The following PIK3C2G variants were observed in gnomAD, a reference collection of about 807,000 sequenced individuals.
PIK3C2G encodes the protein phosphatidylinositol-4-phosphate 3-kinase catalytic subunit type 2 gamma, also known as phosphatidylinositol 3-kinase C2 domain-containing subunit gamma.
Under a neutral mutation model 181.1 loss-of-function variants are expected in PIK3C2G, and 168 were observed. The ratio of observed to expected loss-of-function variants is 0.93; its 90% CI spans 0.82 to 1.05. The LOEUF (loss-of-function observed/expected upper bound fraction) is 1.05. Among genes scored for constraint, PIK3C2G ranks in the 50% least tolerant of loss-of-function variants. PIK3C2G has a pLI of 0.00. For missense variants in PIK3C2G, 1,869 were observed against 1,732.8 expected (o/e 1.08, Z -1.40); for synonymous variants, 573 against 592.2 (o/e 0.97, Z 0.47).
intron 12 of PIK3C2G, among the ~76,000 whole-genome samples, chr12:18,369,111 G>A (rs1166046998): frequency 1.3e-5 from 2 of 152,178 alleles, no homozygotes; most frequent in African/African-American, 4.8e-5. Context: ...GGAATGACAA[G>A]GCCAGTAGAT....
At chr12:18,499,848 C>G (rs1014263281) in intron 22 of PIK3C2G, among the ~76,000 whole-genome samples, 1 of 152,244 alleles carries the variant, frequency 6.6e-6, no homozygotes, top group Admixed American at 6.5e-5. Flanking sequence ...ACTGACATCA[C>G]CTAGGAACTT....
chr12:18,307,666 T>G (rs1329528531), intron 5 of PIK3C2G, among the ~76,000 whole-genome samples: 2 of 151,928 alleles, frequency 1.3e-5, no homozygotes, highest in African/African-American at 4.8e-5. Flanking sequence ...CCTTTCTTCT[T>G]ACCCTTTTTG....
chr12:18,270,992 T>C (rs1460353696), intron 1 of PIK3C2G, among the ~76,000 whole-genome samples: 1 of 152,024 alleles, frequency 6.6e-6, no homozygotes, highest in African/African-American at 2.4e-5. Context: ...TTTTTTAGGC[T>C]TCCTTTACCC....
At chr12:18,625,681 G>A (rs1016988905) in intron 31 of PIK3C2G, among the ~76,000 whole-genome samples, 4 of 151,730 alleles carry the variant, frequency 2.6e-5, no homozygotes, top group African/African-American at 9.7e-5. Flanking sequence ...TTTAATATTT[G>A]CTTTATACAT....
chr12:18,459,626 T>A (rs1290867499), intron 18 of PIK3C2G, among the ~76,000 whole-genome samples: 1 of 152,206 alleles, frequency 6.6e-6, no homozygotes, highest in Non-Finnish European at 1.5e-5. Context: ...CTAGTTACAG[T>A]GAAATTTATA....
intron 16 of PIK3C2G, among the ~76,000 whole-genome samples, chr12:18,414,316 T>C (rs80007956): frequency 0.025 from 3,873 of 152,212 alleles, 142 homozygotes; most frequent in African/African-American, 0.084. Flanking sequence ...AACTTTCGTA[T>C]AGAAAATTTG....
intron 8 of PIK3C2G, among the ~76,000 whole-genome samples, chr12:18,336,151 A>G (rs1938511008): frequency 6.6e-6 from 1 of 152,166 alleles, no homozygotes; most frequent in African/African-American, 2.4e-5. Flanking sequence ...TTAATTAGTT[A>G]AACATTAAAA....
intron 14 of PIK3C2G, among the ~76,000 whole-genome samples, chr12:18,382,785 A>C (rs1222630712): frequency 1.3e-5 from 2 of 152,226 alleles, no homozygotes; most frequent in Non-Finnish European, 2.9e-5. Context: ...AGCTGACATC[A>C]CTGCTCTAGA....
intron 18 of PIK3C2G, among the ~76,000 whole-genome samples, chr12:18,434,776 G>A (rs947521126): frequency 6.6e-6 from 1 of 152,132 alleles, no homozygotes; most frequent in African/African-American, 2.4e-5. Flanking sequence ...AAGAGGGCAT[G>A]AAAGAAAAGC....
the PIK3C2G span, chr12:18,712,693 C>A: frequency 1.0e-6 from 1 of 957,938 alleles, no homozygotes; most frequent in Admixed American, 2.1e-5. Context: ...TAACTATATA[C>A]AACATGGATT....
Position 18,346,838 on chromosome 12 carries a change from T to A in PIK3C2G, c.1625+2T>A. On this transcript the variant is annotated splice_donor_variant, in intron 11 of 32. Coordinates refer to ENST00000538779, the MANE Select transcript of PIK3C2G (RefSeq NM_001288772.2). LOFTEE classifies it high-confidence loss of function. ...CATTCCAGAAACCTGGGTGCACAGG[T>A]GAGTGGTGGTGAGTTTTTCACAAAA... 1 of 1,580,262 alleles carries A rather than the reference T, an allele frequency of 6.3e-7. No homozygotes were observed. Among genetic ancestry groups the A allele is most frequent in the Non-Finnish European group, 8.6e-7 (1 of 1,159,850 alleles).
intron 16 of PIK3C2G, among the ~76,000 whole-genome samples, chr12:18,406,552 G>A (rs1467116403): frequency 6.6e-6 from 1 of 152,160 alleles, no homozygotes; most frequent in East Asian, 1.9e-4. Flanking sequence ...AGAAAAACAT[G>A]TTTGATGTTT....
chr12:18,296,870 C>A (rs1169158332), intron 5 of PIK3C2G, among the ~76,000 whole-genome samples: 1 of 151,988 alleles, frequency 6.6e-6, no homozygotes, highest in Non-Finnish European at 1.5e-5. Context: ...AAGCTTGATG[C>A]AAAATTGTCA....
chr12:18,304,508 C>A (rs147547570), intron 5 of PIK3C2G, among the ~76,000 whole-genome samples: 1 of 152,152 alleles, frequency 6.6e-6, no homozygotes, highest in Non-Finnish European at 1.5e-5. Flanking sequence ...CAACCCGCCC[C>A]GGCCTCCCAA....
At chr12:18,498,209 C>A (rs1162898691) in intron 22 of PIK3C2G, among the ~76,000 whole-genome samples, 1 of 152,096 alleles carries the variant, frequency 6.6e-6, no homozygotes, top group Non-Finnish European at 1.5e-5. Flanking sequence ...GATAAAATAT[C>A]AACAGTCAAT....
intron 9 of PIK3C2G, among the ~76,000 whole-genome samples, chr12:18,341,546 A>G (rs1939137897): frequency 6.6e-6 from 1 of 152,204 alleles, no homozygotes; most frequent in Non-Finnish European, 1.5e-5. Context: ...ATATTCTGTA[A>G]AAACTGGGTC....
the PIK3C2G span, among the ~76,000 whole-genome samples, chr12:18,672,404 G>A: frequency 2.0e-5 from 3 of 151,920 alleles, no homozygotes; most frequent in African/African-American, 4.8e-5. Flanking sequence ...TTTAATGTGT[G>A]ATCTCTGATT....
At chr12:18,683,295 T>C in the PIK3C2G span, 5 of 1,612,416 alleles carry the variant, frequency 3.1e-6, no homozygotes, top group Non-Finnish European at 4.2e-6. Context: ...CTCTCACCCA[T>C]TCTGGAAAAC....
chr12:18,460,204 T>C (rs1947841124), intron 18 of PIK3C2G, among the ~76,000 whole-genome samples: 1 of 152,198 alleles, frequency 6.6e-6, no homozygotes, highest in African/African-American at 2.4e-5. Flanking sequence ...TATGAAAATG[T>C]TTCTAAACCT....
Sources: gnomAD v4.1 joint callset for allele counts (sites outside exome capture counted in the v4.1 genomes callset) on GRCh38, gnomAD v4.1.1 for gene constraint, MANE v1.5 for transcripts, NCBI Gene and HGNC (gene_info 2026-07-23, HGNC 2026-07-21) for gene names.